Variants in RPS6KC1 observed in about 807,000 individuals in gnomAD.
RPS6KC1 encodes ribosomal protein S6 kinase C1.
A neutral mutation model predicts 103.8 loss-of-function variants in RPS6KC1; 54 were observed. That is an observed-to-expected ratio of 0.52 (90% confidence interval 0.42 to 0.65). The LOEUF is 0.65. RPS6KC1 is among the 30% of genes least tolerant of loss of function. The pLI, the probability that RPS6KC1 is intolerant of heterozygous loss-of-function variation, is 0.00. For synonymous variants in RPS6KC1, 439 were observed against 438.7 expected (o/e 1.00, Z -0.01); for missense variants, 1,151 against 1,253.8 (o/e 0.92, Z 1.24).
At chr1:213,070,198 T>C (rs1276434641) in intron 1 of RPS6KC1, among the ~76,000 whole-genome samples, 1 of 152,222 alleles carries the variant, frequency 6.6e-6, no homozygotes, top group Admixed American at 6.5e-5. Context: ...CATATACAGT[T>C]GTAAGAAATA....
the RPS6KC1 span, among the ~76,000 whole-genome samples, chr1:213,343,548 GA>G: frequency 6.6e-6 from 1 of 150,420 alleles, no homozygotes; most frequent in Non-Finnish European, 1.5e-5. Context: ...ACTCAGGAAA[GA>G]AAAACCAAAC....
At chr1:213,189,424 G>C (rs1439096453) in intron 8 of RPS6KC1, among the ~76,000 whole-genome samples, 1 of 142,442 alleles carries the variant, frequency 7.0e-6, no homozygotes, top group African/African-American at 2.6e-5. Context: ...GCTCCAGCCT[G>C]AGTGACAGAG....
the RPS6KC1 span, among the ~76,000 whole-genome samples, chr1:213,500,376 A>G: frequency 2.0e-5 from 3 of 152,180 alleles, no homozygotes; most frequent in Admixed American, 1.3e-4. Context: ...TAGGATCACA[A>G]TGCCTTCATT....
At chr1:213,163,859 A>C (rs2090718236) in intron 6 of RPS6KC1, among the ~76,000 whole-genome samples, 1 of 152,048 alleles carries the variant, frequency 6.6e-6, no homozygotes, top group South Asian at 2.1e-4. Context: ...CTCCATTCTG[A>C]TTCTGCTTTG....
the RPS6KC1 span, among the ~76,000 whole-genome samples, chr1:213,639,644 T>A: frequency 6.6e-6 from 1 of 152,098 alleles, no homozygotes; most frequent in Non-Finnish European, 1.5e-5. Flanking sequence ...CTTTCCCGCA[T>A]CTATGGATAA....
the RPS6KC1 span, among the ~76,000 whole-genome samples, chr1:213,837,851 A>C: frequency 6.6e-6 from 1 of 152,248 alleles, no homozygotes; most frequent in Non-Finnish European, 1.5e-5. Context: ...TACACTTGAG[A>C]CAAACCTTTT....
intron 6 of RPS6KC1, among the ~76,000 whole-genome samples, chr1:213,151,993 T>G (rs2089103952): frequency 3.0e-5 from 3 of 99,886 alleles, no homozygotes; most frequent in South Asian, 3.8e-4. Flanking sequence ...CACTTCCCAG[T>G]AGGGGTGGCC....
intron 3 of RPS6KC1, among the ~76,000 whole-genome samples, chr1:213,092,011 T>C (rs2081011545): frequency 6.6e-6 from 1 of 152,102 alleles, no homozygotes; most frequent in South Asian, 2.1e-4. Flanking sequence ...GTAATCATTA[T>C]ATTCCGAGTA....
chr1:213,627,818 A>T, the RPS6KC1 span, among the ~76,000 whole-genome samples: 1 of 152,172 alleles, frequency 6.6e-6, no homozygotes, highest in Admixed American at 6.5e-5. Context: ...TGCTGGATTC[A>T]GTTTGCCAGT....
the RPS6KC1 span, among the ~76,000 whole-genome samples, chr1:213,675,404 TA>T: frequency 6.0e-4 from 91 of 152,330 alleles, no homozygotes; most frequent in African/African-American, 2.1e-3. Flanking sequence ...TTTGAAGTCT[TA>T]CATTTAAACC....
chr1:213,652,567 C>T, the RPS6KC1 span, among the ~76,000 whole-genome samples: 3 of 152,170 alleles, frequency 2.0e-5, no homozygotes, highest in Non-Finnish European at 4.4e-5. Context: ...TTTTGACAAG[C>T]AAAATGCAAC....
Position 213,077,681 on chromosome 1 carries a change from T to C in RPS6KC1, c.142-15T>C. ...AAATGGTTATGAGATACATGTTTAA[T>C]TTTTTTCTCTCTAGATAATTGTATG... On this transcript the variant is annotated splice_polypyrimidine_tract_variant and intron_variant, in intron 2 of 14. Coordinates refer to ENST00000366960, the MANE Select transcript of RPS6KC1 (RefSeq NM_012424.6). 7.2e-7 allele frequency: 1 copy of C among 1,385,704 alleles called. No individual in the cohort carries two copies. Among genetic ancestry groups the C allele is most frequent in the Non-Finnish European group, 9.9e-7 (1 of 1,015,124 alleles). The allele number at this position is 1,385,704 out of a possible 1,614,324, so 85.8% of individuals were successfully genotyped here. A position where few individuals can be genotyped will look rare whatever the true frequency, so the allele number is the denominator to read the frequency against.
chr1:213,858,468 G>T, the RPS6KC1 span, among the ~76,000 whole-genome samples: 3 of 152,122 alleles, frequency 2.0e-5, no homozygotes, highest in African/African-American at 7.2e-5. Flanking sequence ...AGCTTTCAGG[G>T]TTCGTTGTCC....
At chr1:213,725,564 C>T in the RPS6KC1 span, among the ~76,000 whole-genome samples, 2 of 152,160 alleles carry the variant, frequency 1.3e-5, no homozygotes, top group South Asian at 2.1e-4. Context: ...ACTGCTTCAA[C>T]CACAGAAATC....
At chr1:213,402,119 T>A in the RPS6KC1 span, among the ~76,000 whole-genome samples, 519 of 152,312 alleles carry the variant, frequency 3.4e-3, 3 homozygotes, top group Middle Eastern at 0.041. Context: ...TGAGTGTTTA[T>A]CAAATTCCTC....
intron 4 of RPS6KC1, 74 bp from the exon 5 acceptor site, chr1:213,117,243 G>T: frequency 4.0e-4 from 279 of 698,040 alleles, no homozygotes; most frequent in East Asian, 5.1e-4. Context: ...ATACTTAATT[G>T]GGATAACTAT....
the RPS6KC1 span, among the ~76,000 whole-genome samples, chr1:213,730,101 T>C: frequency 6.6e-6 from 1 of 152,168 alleles, no homozygotes; most frequent in African/African-American, 2.4e-5. Flanking sequence ...AAGAACATGA[T>C]CTTATTCTTT....
the RPS6KC1 span, among the ~76,000 whole-genome samples, chr1:213,602,241 CTT>C: frequency 1.7e-5 from 2 of 120,868 alleles, no homozygotes; most frequent in Non-Finnish European, 3.3e-5. Context: ...TCCTTCCTCT[CTT>C]TCTCTCTCTC....
At chr1:213,759,396 T>C in the RPS6KC1 span, among the ~76,000 whole-genome samples, 1 of 152,208 alleles carries the variant, frequency 6.6e-6, no homozygotes, top group South Asian at 2.1e-4. Context: ...TTCATTGCAA[T>C]GGTCTGGAAC....
Sources: gnomAD v4.1 joint callset for allele counts (sites outside exome capture counted in the v4.1 genomes callset) on GRCh38, gnomAD v4.1.1 for gene constraint, MANE v1.5 for transcripts, NCBI Gene and HGNC (gene_info 2026-07-23, HGNC 2026-07-21) for gene names.